LDHAL6A: variants seen among roughly 807,000 people sequenced by gnomAD.
LDHAL6A encodes the protein L-lactate dehydrogenase A-like 6A.
In LDHAL6A, 19 loss-of-function variants were observed where a neutral mutation model predicts 28.2. That is an observed-to-expected ratio of 0.67 (90% CI 0.47 to 0.99). LDHAL6A has a LOEUF of 0.99. LDHAL6A is among the 50% of genes least tolerant of loss of function. The pLI is 0.00. For missense variants in LDHAL6A, 372 were observed against 398.6 expected, an observed-to-expected ratio of 0.93 and a Z score of 0.57; for synonymous variants, 144 against 134.4, an observed-to-expected ratio of 1.07 and a Z score of -0.49.
At chr11:18,460,636 A>G (rs1848874507) in intron 1 of LDHAL6A, among the ~76,000 whole-genome samples, 1 of 150,836 alleles carries the variant, frequency 6.6e-6, no homozygotes, top group Non-Finnish European at 1.5e-5. Context: ...GGTACATGCT[A>G]GTAGTACTAG....
chr11:18,465,423 T>TA (rs1202309057), intron 2 of LDHAL6A, among the ~76,000 whole-genome samples: 4 of 118,282 alleles, frequency 3.4e-5, no homozygotes, highest in South Asian at 4.8e-4. Flanking sequence ...GCACATGACT[T>TA]ACGTTTTTTT....
intron 3 of LDHAL6A, among the ~76,000 whole-genome samples, chr11:18,471,816 G>A (rs984261751): frequency 1.4e-5 from 2 of 148,010 alleles, no homozygotes; most frequent in African/African-American, 4.9e-5. Flanking sequence ...TACCCAGAAT[G>A]GCTTATGAAG....
At chr11:18,465,604 C>T in intron 2 of LDHAL6A, 33 bp from the exon 3 acceptor site, 2 of 1,575,228 alleles carry the variant, frequency 1.3e-6, no homozygotes, top group Non-Finnish European at 1.7e-6. Flanking sequence ...TGTTTTCTTT[C>T]ATAATCGATT....
chr11:18,459,395 A>G (rs2643865), intron 1 of LDHAL6A, among the ~76,000 whole-genome samples: 151,924 of 152,292 alleles, frequency 1, 75,778 homozygotes, highest in Middle Eastern at 1. Flanking sequence ...TTTGCCAGGG[A>G]CTCTCGGGCC....
intron 3 of LDHAL6A, among the ~76,000 whole-genome samples, chr11:18,467,874 T>TACACATATATATATATATATATAC: frequency 2.7e-5 from 1 of 37,048 alleles, no homozygotes; most frequent in African/African-American, 1.5e-4. Context: ...TATATATATA[T>TACACATATATATATATATATATAC]ACACACATAT....
At chr11:18,464,209 A>C in intron 2 of LDHAL6A, 131 bp downstream of exon 2, 20 of 608,594 alleles carry the variant, frequency 3.3e-5, no homozygotes, top group Non-Finnish European at 5.5e-5. Context: ...CTGTACTCTC[A>C]TAACGTGTTC....
Position 18,476,450 on chromosome 11 carries a change from C to T in LDHAL6A, c.659C>T (p.Thr220Ile), listed in dbSNP as rs1849386329. The T allele has an allele frequency of 6.2e-7, 1 of 1,614,072 alleles. No homozygotes were observed. ...AAGGATCTGAACCCAGATATAGGAA[C>T]TGATAAAGATCCTGAGCAGTGGGAA... ...PLKDLNPDIG[T>I]DKDPEQWENV... Residue 220 changes from threonine to isoleucine, a missense_variant, in exon 5 of 7, where the codon ACT becomes ATT. Around this residue, in one of 3 missense-constraint regions of LDHAL6A, gnomAD observed 291 missense variants for 302.9 expected, o/e 0.96. Coordinates refer to ENST00000280706, the MANE Select transcript of LDHAL6A (RefSeq NM_144972.5).
intron 1 of LDHAL6A, among the ~76,000 whole-genome samples, chr11:18,463,439 A>G (rs1848976591): frequency 6.6e-6 from 1 of 152,184 alleles, no homozygotes; most frequent in African/African-American, 2.4e-5. Flanking sequence ...TAACTGTAAG[A>G]AATAAATTCC....
At position 18,479,014 on chromosome 11, in the gene LDHAL6A, T is replaced by A. The variant is rs1004722910; in HGVS notation, c.*144T>A. On this transcript the variant is annotated 3_prime_UTR_variant, in exon 7 of 7. Transcript: ENST00000280706. Reference sequence around the variant, plus strand: ...CTATTTAGTATAGCCTTCCAGCTTTTTTTTTTTTCTTTTTTGGGAGGGTCT... The same window carrying A: ...CTATTTAGTATAGCCTTCCAGCTTTATTTTTTTTCTTTTTTGGGAGGGTCT... 1.5e-6 allele frequency: 1 copy of A among 655,598 alleles called. No individual in the cohort carries two copies. Among genetic ancestry groups the A allele is most frequent in the African/African-American group, 1.9e-5 (1 of 53,988 alleles). The allele number at this position is 655,598 out of a possible 1,614,324, so 40.6% of individuals were successfully genotyped here. A position where few individuals can be genotyped will look rare whatever the true frequency, so the allele number is the denominator to read the frequency against.
Position 18,465,758 on chromosome 11 carries a change from C to G in LDHAL6A, c.366C>G (p.Pro122=), listed in dbSNP as rs17851143. The stretch of plus-strand genomic sequence containing the variant: ...TATCCATCTTTAAATTAATGATTCC[C>G]AATATTACCCAGTACAGTCCTCACT... ...RNVSIFKLMI[P]NITQYSPHCK... Residue 122 remains proline, a synonymous_variant, in exon 3 of 7, where the codon CCC becomes CCG. Coordinates refer to ENST00000280706, the MANE Select transcript of LDHAL6A (RefSeq NM_144972.5). 191,238 of 1,612,410 alleles carry G rather than the reference C, an allele frequency of 0.12. 12,028 individuals are homozygous for G. The highest frequency in any genetic ancestry group is 0.19 in the Middle Eastern group (1,139 of 6,058).
At chr11:18,471,992 T>C (rs985418312) in intron 3 of LDHAL6A, among the ~76,000 whole-genome samples, 4 of 151,938 alleles carry the variant, frequency 2.6e-5, no homozygotes, top group African/African-American at 9.7e-5. Context: ...TACAGGAAGA[T>C]AACCTAAACA....
At chr11:18,469,360 A>G (rs997655736) in intron 3 of LDHAL6A, 26 of 419,254 alleles carry the variant, frequency 6.2e-5, no homozygotes, top group African/African-American at 5.3e-4. Context: ...CAAATTAAGC[A>G]TCACTTGCTT....
At chr11:18,468,976 A>G (rs1849192391) in intron 3 of LDHAL6A, 1 of 388,826 alleles carries the variant, frequency 2.6e-6, no homozygotes, top group South Asian at 1.3e-4. Context: ...AAAATTCAGA[A>G]ATGGTAGTCC....
intron 1 of LDHAL6A, among the ~76,000 whole-genome samples, chr11:18,460,872 T>G (rs534561890): frequency 1.3e-5 from 2 of 152,228 alleles, no homozygotes; most frequent in Non-Finnish European, 2.9e-5. Flanking sequence ...AGTCTCACTC[T>G]GTTGCACAGG....
chr11:18,464,264 C>CT (rs1473697087), intron 2 of LDHAL6A, among the ~76,000 whole-genome samples, 186 bp downstream of exon 2: 1 of 152,156 alleles, frequency 6.6e-6, no homozygotes, highest in Non-Finnish European at 1.5e-5. Flanking sequence ...CGGCACCAGA[C>CT]TGAGTTCCTT....
intron 3 of LDHAL6A, among the ~76,000 whole-genome samples, chr11:18,470,254 G>A (rs1328191641): frequency 6.6e-6 from 1 of 152,158 alleles, no homozygotes; most frequent in Non-Finnish European, 1.5e-5. Flanking sequence ...AAATTTTAGT[G>A]AAAGAAAAGG....
intron 3 of LDHAL6A, among the ~76,000 whole-genome samples, chr11:18,467,920 C>G (rs906139050): frequency 2.4e-5 from 1 of 42,054 alleles, no homozygotes; most frequent in Non-Finnish European, 3.9e-5. Context: ...TATATATATA[C>G]ACACACATAT....
chr11:18,475,766 T>C, intron 4 of LDHAL6A, 127 bp downstream of exon 4: 1 of 657,964 alleles, frequency 1.5e-6, no homozygotes. Context: ...TTTAGTAGCG[T>C]TTAATTTTTA....
chr11:18,463,408 C>T (rs1848975917), intron 1 of LDHAL6A, among the ~76,000 whole-genome samples: 1 of 152,196 alleles, frequency 6.6e-6, no homozygotes, highest in Admixed American at 6.5e-5. Context: ...GGCCCCCTGA[C>T]CTTGGACTTC....
Sources: allele counts gnomAD v4.1 joint callset (sites outside exome capture counted in the v4.1 genomes callset), GRCh38; gene constraint gnomAD v4.1.1; regional missense constraint gnomAD v4.1.1; transcripts MANE v1.5; gene names NCBI Gene and HGNC (gene_info 2026-07-23, HGNC 2026-07-21).